Variants in GDA observed in about 807,000 individuals in gnomAD.
GDA encodes guanine deaminase.
Under a neutral mutation model 59.6 loss-of-function variants are expected in GDA, and 18 were observed. The observed-to-expected ratio is 0.30, with a 90% confidence interval of 0.21 to 0.45. The LOEUF is 0.45. GDA is among the 20% of genes least tolerant of loss of function. The probability of loss-of-function intolerance (pLI) is 1.00; values close to 1 mark genes in which losing one functional copy is unlikely to be tolerated. For synonymous variants in GDA, 201 were observed against 201.1 expected (o/e 1.00, Z 0.00); for missense variants, 427 against 552.3 (o/e 0.77, Z 2.27).
chr9:72,248,294 G>C lies in GDA; in HGVS notation c.1317G>C (p.Glu439Asp). The change falls in exon 14 of 14, where the codon GAG becomes GAC. Residue 439 changes from glutamate (E) to aspartate (D), a missense_variant. Coordinates refer to ENST00000358399, the MANE Select transcript of GDA (RefSeq NM_004293.5). ...CAGGAGATGATCGAAATATTGAAGAGGTTTATGTGGGCGGAAAGCAGGTGG... is the reference window on the plus strand; with the variant it reads ...CAGGAGATGATCGAAATATTGAAGACGTTTATGTGGGCGGAAAGCAGGTGG... ...LYLGDDRNIE[E>D]VYVGGKQVVP... The C allele has an allele frequency of 6.2e-7, 1 of 1,612,568 alleles. No homozygotes were observed. The highest frequency in any genetic ancestry group is 8.5e-7 in the Non-Finnish European group (1 of 1,178,608).
chr9:72,244,881 T>C (rs1839984516), intron 11 of GDA, among the ~76,000 whole-genome samples: 2 of 152,138 alleles, frequency 1.3e-5, no homozygotes, highest in South Asian at 4.1e-4. Flanking sequence ...CTGATAGAGC[T>C]GAAATAGAGA....
At chr9:72,179,811 G>A (rs564100593) in intron 1 of GDA, among the ~76,000 whole-genome samples, 34 of 152,278 alleles carry the variant, frequency 2.2e-4, no homozygotes, top group African/African-American at 8.2e-4. Flanking sequence ...ATAGATGGTT[G>A]TCTTCCCTCT....
chr9:72,259,691 G>A (rs1277635237), downstream of GDA, among the ~76,000 whole-genome samples: 4 of 151,952 alleles, frequency 2.6e-5, no homozygotes, highest in African/African-American at 4.8e-5. Flanking sequence ...AATTATTATA[G>A]CAAAGAGCCA....
intron 2 of GDA, among the ~76,000 whole-genome samples, chr9:72,199,472 A>AT (rs1833660007): frequency 6.6e-6 from 1 of 152,152 alleles, no homozygotes; most frequent in Non-Finnish European, 1.5e-5. Flanking sequence ...CTCTCATCTC[A>AT]GCTACAATGA....
chr9:72,220,046 TAAA>T (rs1156379897), intron 6 of GDA, among the ~76,000 whole-genome samples: 1 of 152,076 alleles, frequency 6.6e-6, no homozygotes, highest in African/African-American at 2.4e-5. Flanking sequence ...GACAGACAAA[TAAA>T]GAAAATGCAG....
At chr9:72,122,212 C>T (rs932066717) in intron 1 of GDA, among the ~76,000 whole-genome samples, 4 of 152,138 alleles carry the variant, frequency 2.6e-5, no homozygotes, top group African/African-American at 9.7e-5. Flanking sequence ...TCTGATTTTA[C>T]GTTTCTCACA....
At chr9:72,160,281 C>G (rs1366645645) in intron 1 of GDA, among the ~76,000 whole-genome samples, 1 of 152,142 alleles carries the variant, frequency 6.6e-6, no homozygotes, top group Non-Finnish European at 1.5e-5. Flanking sequence ...TGCACTCCAG[C>G]CTGGGCAACA....
intron 1 of GDA, among the ~76,000 whole-genome samples, chr9:72,184,126 C>T (rs774704529): frequency 2.6e-4 from 39 of 152,246 alleles, no homozygotes; most frequent in Non-Finnish European, 3.8e-4. Flanking sequence ...TATCCCCTGC[C>T]GGGACACATG....
At chr9:72,150,020 A>G (rs944803642) in intron 1 of GDA, among the ~76,000 whole-genome samples, 1 of 151,912 alleles carries the variant, frequency 6.6e-6, no homozygotes, top group African/African-American at 2.4e-5. Flanking sequence ...ATAATCTTCA[A>G]TCTTGCTTAA....
At chr9:72,146,307 G>A (rs12342824), upstream of GDA, among the ~76,000 whole-genome samples, 17,710 of 151,998 alleles carry the variant, frequency 0.12, 2,111 homozygotes, top group African/African-American at 0.3. Context: ...ATGCCAAGGC[G>A]GGGCTCTTTT....
chr9:72,236,307 A>G (rs1838978515), intron 10 of GDA, among the ~76,000 whole-genome samples: 1 of 152,118 alleles, frequency 6.6e-6, no homozygotes, highest in Non-Finnish European at 1.5e-5. Context: ...CAAATCCCAA[A>G]TGGCCCACCG....
intron 1 of GDA, among the ~76,000 whole-genome samples, chr9:72,136,713 T>G (rs1393267584): frequency 6.6e-6 from 1 of 152,164 alleles, no homozygotes; most frequent in Non-Finnish European, 1.5e-5. Flanking sequence ...CGGTGGCTTA[T>G]GCCTGTAATC....
chr9:72,183,389 G>A (rs1469345728), intron 1 of GDA, among the ~76,000 whole-genome samples: 1 of 151,956 alleles, frequency 6.6e-6, no homozygotes, highest in African/African-American at 2.4e-5. Flanking sequence ...AGCCTTGACT[G>A]CTCCCTTAGC....
At chr9:72,126,566 C>CTTTTTTT (rs72370881) in intron 1 of GDA, among the ~76,000 whole-genome samples, 6 of 133,664 alleles carry the variant, frequency 4.5e-5, no homozygotes, top group East Asian at 2.2e-4. Flanking sequence ...CCTGGTTAGT[C>CTTTTTTT]TTTTTTTTTT....
downstream of GDA, among the ~76,000 whole-genome samples, chr9:72,259,844 C>G (rs1033245353): frequency 6.6e-6 from 1 of 152,160 alleles, no homozygotes; most frequent in Non-Finnish European, 1.5e-5. Context: ...GAGAATTTGG[C>G]AGGACTTAAT....
intron 1 of GDA, among the ~76,000 whole-genome samples, chr9:72,129,046 T>C (rs1020058884): frequency 2.0e-5 from 3 of 152,052 alleles, no homozygotes; most frequent in African/African-American, 7.2e-5. Context: ...CACTGCAACC[T>C]CTGCCCCCTG....
chr9:72,191,679 G>GGGTTCAAGTGA (rs1832570757), intron 1 of GDA, among the ~76,000 whole-genome samples: 1 of 152,066 alleles, frequency 6.6e-6, no homozygotes, highest in African/African-American at 2.4e-5. Flanking sequence ...TCCACCTCCT[G>GGGTTCAAGTGA]GGTTCAAGTG....
At position 72,231,118 on chromosome 9, in the gene GDA, A is replaced by G. The variant is rs754840971; in HGVS notation, c.925A>G (p.Ser309Gly). 1.3e-6 allele frequency: 2 copies of G among 1,573,838 alleles called. No homozygotes were observed. Among genetic ancestry groups the G allele is most frequent in the Non-Finnish European group, 1.7e-6 (2 of 1,143,228 alleles). ...AHCPNSNLSL[S>G]SGFLNVLEVL... ...TGACATCTCCTCTCTCTACAGGCTC[A>G]GCAGTGGATTTCTAAATGTGCTAGA... The change falls in exon 10 of 14, where the codon AGC becomes GGC. Residue 309 changes from serine to glycine, a missense_variant. By Grantham distance (56) the Ser-to-Gly change is moderately conservative. Transcript: ENST00000358399.
At chr9:72,188,089 A>G (rs879689456) in intron 1 of GDA, among the ~76,000 whole-genome samples, 20 of 152,242 alleles carry the variant, frequency 1.3e-4, no homozygotes, top group Admixed American at 2.6e-4. Context: ...TAAAGATGGA[A>G]TTTATAATGA....
Sources: gnomAD v4.1 joint callset for allele counts (sites outside exome capture counted in the v4.1 genomes callset) on GRCh38, gnomAD v4.1.1 for gene constraint, MANE v1.5 for transcripts, NCBI Gene and HGNC (gene_info 2026-07-23, HGNC 2026-07-21) for gene names.